Variants in CHD2 observed in about 807,000 individuals in gnomAD.
CHD2 encodes chromodomain helicase DNA binding protein 2.
A neutral mutation model predicts 243.9 loss-of-function variants in CHD2; 28 were observed. That is an observed-to-expected ratio of 0.11 (90% confidence interval 0.09 to 0.16). CHD2 has a LOEUF of 0.16. Ranked by LOEUF, CHD2 falls within the 10% of genes least tolerant of loss-of-function variation. CHD2 has a pLI of 1.00. For synonymous variants in CHD2, 775 were observed against 779.0 expected (o/e 0.99, Z 0.09); for missense variants, 1,386 against 2,209.8 (o/e 0.63, Z 7.47).
Position 92,955,421 on chromosome 15 carries a change from A to T in CHD2, c.1720-2A>T. 1 of 1,556,132 alleles carries T rather than the reference A, an allele frequency of 6.4e-7. No homozygotes were observed. The stretch of plus-strand genomic sequence containing the variant: ...TGTCTTAATTATGTTTTTTTCTTAT[A>T]GATACGGGAATATGAATGGATTCAT... On this transcript the variant is annotated splice_acceptor_variant, in intron 14 of 38. Transcript: ENST00000394196. LOFTEE classifies it high-confidence loss of function.
At chr15:92,903,598 G>C (rs1174590578) in intron 2 of CHD2, among the ~76,000 whole-genome samples, 1 of 150,598 alleles carries the variant, frequency 6.6e-6, no homozygotes, top group Admixed American at 6.6e-5. Context: ...AAAAACATTT[G>C]ATTGATATTT....
At chr15:93,000,491 T>A (rs1159622140) in intron 31 of CHD2, 21 bp from the exon 32 acceptor site, 1 of 1,599,182 alleles carries the variant, frequency 6.3e-7, no homozygotes, top group Non-Finnish European at 8.5e-7. Flanking sequence ...ATTTTAATCA[T>A]CATTTTCTCT....
chr15:92,981,429 C>G lies in CHD2; in HGVS notation c.3038C>G (p.Ala1013Gly). 6.2e-7 allele frequency: 1 copy of G among 1,613,498 alleles called. No individual in the cohort carries two copies. The highest frequency in any genetic ancestry group is 8.5e-7 in the Non-Finnish European group (1 of 1,179,484). ...AGAGAGAATGAAGTGTCAACAAGTGCAACAGATGAACTTCTATCACAGTTT... is the reference window on the plus strand; with the variant it reads ...AGAGAGAATGAAGTGTCAACAAGTGGAACAGATGAACTTCTATCACAGTTT... ...ETRENEVSTS[A>G]TDELLSQFKV... The change falls in exon 24 of 39, where the codon GCA (alanine) becomes GGA (glycine). Residue 1013 changes from alanine to glycine, a missense_variant. Physicochemically the swap from Ala to Gly is moderately conservative, Grantham distance 60. This residue lies in a region of CHD2 where 99 missense variants were observed against 206.4 expected (regional missense o/e 0.48). Transcript: ENST00000394196.
chr15:93,006,273 C>T (rs1178784495), intron 34 of CHD2, among the ~76,000 whole-genome samples: 1 of 151,856 alleles, frequency 6.6e-6, no homozygotes, highest in Non-Finnish European at 1.5e-5. Flanking sequence ...ATTACAGATG[C>T]GCACCACCAC....
chr15:93,009,283 A>G lies in CHD2; in HGVS notation c.4552A>G (p.Lys1518Glu). 1 of 1,614,212 alleles carries G rather than the reference A, an allele frequency of 6.2e-7. No homozygotes were observed. The highest frequency in any genetic ancestry group is 1.6e-4 in the Middle Eastern group (1 of 6,062). ...CGGAGACCGGATAGCCGAGTGCCTT[A>G]AAGCCTACTCAGATCAGGAGCACAT... ...KIGDRIAECLKAYSDQEHIKL... is the reference protein window; with the variant it reads ...KIGDRIAECLEAYSDQEHIKL... The change falls in exon 35 of 39, where the codon AAA becomes GAA. Residue 1518 changes from lysine to glutamate, a missense_variant. Coordinates refer to ENST00000394196, the MANE Select transcript of CHD2 (RefSeq NM_001271.4).
chr15:92,940,956 TATATATAAATATAA>T (rs2053367912), intron 7 of CHD2, among the ~76,000 whole-genome samples: 1 of 120,048 alleles, frequency 8.3e-6, no homozygotes, highest in South Asian at 2.6e-4. Flanking sequence ...TAAATATAAA[TATATATAAATATAA>T]ATATAAATAT....
intron 20 of CHD2, among the ~76,000 whole-genome samples, chr15:92,977,634 G>C (rs1490616815): frequency 6.6e-6 from 1 of 152,144 alleles, no homozygotes; most frequent in Non-Finnish European, 1.5e-5. Context: ...CAGTGTCAGT[G>C]CCTGGGTGGT....
chr15:92,991,865 A>C (rs1222994345), intron 27 of CHD2: 2 of 175,380 alleles, frequency 1.1e-5, no homozygotes, highest in African/African-American at 4.7e-5. Context: ...CCTAGTTCTT[A>C]GATTTAATAA....
chr15:93,024,158 T>TGTAC lies in CHD2; in HGVS notation c.5154-213_5154-210dup, dbSNP rs34136300. 0.38 allele frequency among the ~76,000 whole-genome samples: 58,297 copies of TGTAC among 151,754 alleles called. 12,059 individuals carry two copies. Among genetic ancestry groups the TGTAC allele is most frequent in the East Asian group, 0.85 (4,383 of 5,134 alleles). On this transcript the variant is annotated intron_variant, in intron 38 of 38. Coordinates refer to ENST00000394196, the MANE Select transcript of CHD2 (RefSeq NM_001271.4). ...AAAGCCATCAGTAATTTTTCAAGTG[T>TGTAC]GTACTTGTGTCACTGCACACTTGAG...
At chr15:92,934,358 A>AT (rs2053227638) in intron 5 of CHD2, among the ~76,000 whole-genome samples, 1 of 152,054 alleles carries the variant, frequency 6.6e-6, no homozygotes, top group Admixed American at 6.5e-5. Context: ...AAATCTTGGT[A>AT]TTTTTCTCCC....
At chr15:92,929,877 C>A (rs1324365906) in intron 5 of CHD2, among the ~76,000 whole-genome samples, 1 of 151,608 alleles carries the variant, frequency 6.6e-6, no homozygotes, top group South Asian at 2.1e-4. Context: ...AGTAAGTGGC[C>A]TAAGGCAAGT....
intron 13 of CHD2, among the ~76,000 whole-genome samples, chr15:92,952,215 A>C (rs1441059253): frequency 6.6e-6 from 1 of 152,152 alleles, no homozygotes; most frequent in East Asian, 1.9e-4. Context: ...GTTGAAATCT[A>C]GCCCATTTTG....
At chr15:92,918,177 T>G (rs2052879601) in intron 2 of CHD2, among the ~76,000 whole-genome samples, 1 of 152,210 alleles carries the variant, frequency 6.6e-6, no homozygotes, top group Non-Finnish European at 1.5e-5. Flanking sequence ...TTAATGGCAC[T>G]TCGTTTCAAA....
At chr15:92,933,971 A>C (rs1182009737) in intron 5 of CHD2, among the ~76,000 whole-genome samples, 6 of 152,218 alleles carry the variant, frequency 3.9e-5, no homozygotes. Context: ...AATCCCTATT[A>C]GCCTCAGATT....
chr15:92,950,460 A>G (rs1450138770), intron 13 of CHD2: 2 of 152,206 alleles, frequency 1.3e-5, no homozygotes, highest in Non-Finnish European at 2.9e-5. Flanking sequence ...GCCAACCTAC[A>G]CACTTCTTTC....
chr15:92,909,249 A>T (rs778055972), intron 2 of CHD2, among the ~76,000 whole-genome samples: 1 of 152,100 alleles, frequency 6.6e-6, no homozygotes, highest in East Asian at 1.9e-4. Flanking sequence ...CTCTCCTTAC[A>T]TCCTTTGGAA....
chr15:92,948,801 T>G (rs1160160729), intron 12 of CHD2, 151 bp from the exon 13 acceptor site: 2 of 770,150 alleles, frequency 2.6e-6, no homozygotes, highest in South Asian at 4.0e-5. Flanking sequence ...ATTGGGCCAC[T>G]GCACTCCAGC....
intron 21 of CHD2, among the ~76,000 whole-genome samples, chr15:92,978,815 C>A (rs1474130403): frequency 6.6e-6 from 1 of 152,124 alleles, no homozygotes; most frequent in African/African-American, 2.4e-5. Context: ...TATTGGATAA[C>A]CCGTAAGTTT....
intron 28 of CHD2, among the ~76,000 whole-genome samples, chr15:92,993,570 GC>G (rs369784308): frequency 0.22 from 33,606 of 152,076 alleles, 4,291 homozygotes; most frequent in East Asian, 0.57. Context: ...ATCTTTAAAA[GC>G]AAGAGGTATA....
Sources: allele counts gnomAD v4.1 joint callset (sites outside exome capture counted in the v4.1 genomes callset), GRCh38; gene constraint gnomAD v4.1.1; regional missense constraint gnomAD v4.1.1; transcripts MANE v1.5; gene names NCBI Gene and HGNC (gene_info 2026-07-23, HGNC 2026-07-21).